The following EEFSEC variants were observed in gnomAD, a reference collection of about 807,000 sequenced individuals.
EEFSEC encodes the protein eukaryotic elongation factor, selenocysteine-tRNA specific.
In EEFSEC, 43 loss-of-function variants were observed where a neutral mutation model predicts 42.1. That is an observed-to-expected ratio of 1.02 (90% CI 0.80 to 1.32). EEFSEC has a LOEUF of 1.32. EEFSEC is among the 40% of genes most tolerant of loss of function. The pLI, the probability that EEFSEC is intolerant of heterozygous loss-of-function variation, is 0.00. For synonymous variants in EEFSEC, 354 were observed against 339.1 expected (o/e 1.04, Z -0.48); for missense variants, 745 against 803.6 (o/e 0.93, Z 0.88).
intron 4 of EEFSEC, among the ~76,000 whole-genome samples, chr3:128,290,768 C>T (rs1008309243): frequency 2.4e-4 from 36 of 151,882 alleles, no homozygotes; most frequent in African/African-American, 6.0e-4. Context: ...TGTTTTTTGA[C>T]AGAGTTGCAC....
At chr3:128,220,355 T>C (rs539250433) in intron 1 of EEFSEC, among the ~76,000 whole-genome samples, 2 of 152,312 alleles carry the variant, frequency 1.3e-5, no homozygotes, top group South Asian at 4.1e-4. Flanking sequence ...TCATGGTGTT[T>C]ATGTGGCTGT....
intron 4 of EEFSEC, among the ~76,000 whole-genome samples, chr3:128,285,995 C>T (rs1216067769): frequency 6.6e-6 from 1 of 152,222 alleles, no homozygotes; most frequent in Non-Finnish European, 1.5e-5. Flanking sequence ...AGTACATCTC[C>T]CACATGGGTT....
At chr3:128,309,921 C>A (rs561721087) in intron 4 of EEFSEC, among the ~76,000 whole-genome samples, 27 of 152,334 alleles carry the variant, frequency 1.8e-4, no homozygotes, top group African/African-American at 6.0e-4. Flanking sequence ...TGATCTTATT[C>A]AAATGTCAGC....
intron 1 of EEFSEC, among the ~76,000 whole-genome samples, chr3:128,190,147 G>A (rs1230494709): frequency 6.6e-6 from 1 of 152,094 alleles, no homozygotes; most frequent in Non-Finnish European, 1.5e-5. Context: ...ACAGGCATGA[G>A]CCACCATGCC....
intron 4 of EEFSEC, among the ~76,000 whole-genome samples, chr3:128,293,298 TAGAG>T (rs1486184201): frequency 6.6e-6 from 1 of 152,192 alleles, no homozygotes. Context: ...TGTGGATGCA[TAGAG>T]AATCAGTTCA....
chr3:128,348,781 C>T (rs924428275), intron 5 of EEFSEC, among the ~76,000 whole-genome samples: 1 of 152,184 alleles, frequency 6.6e-6, no homozygotes, highest in African/African-American at 2.4e-5. Flanking sequence ...GAGGCTGGAA[C>T]CACTGGGTCC....
chr3:128,238,851 C>A (rs1007767758), intron 1 of EEFSEC, among the ~76,000 whole-genome samples: 1 of 152,252 alleles, frequency 6.6e-6, no homozygotes, highest in Non-Finnish European at 1.5e-5. Flanking sequence ...TGGGTCAACT[C>A]TGTTCCCACT....
At position 128,371,678 on chromosome 3, in the gene EEFSEC, G is replaced by A. The variant is rs191509115; in HGVS notation, c.1600+13305G>A. On this transcript the variant is annotated intron_variant, in intron 6 of 6. Transcript: ENST00000254730. ...AGGGGCAGGATGCACCCCAGAACCT[G>A]TTGGGGTGCAGAATGAGGAGGGTGA... 2.7e-3 allele frequency among the ~76,000 whole-genome samples: 410 copies of A among 152,310 alleles called. 1 individual carries two copies. The South Asian group carries it at 0.031, about 12-fold the overall frequency.
intron 1 of EEFSEC, among the ~76,000 whole-genome samples, chr3:128,216,347 C>T (rs537154131): frequency 3.9e-5 from 6 of 152,322 alleles, no homozygotes; most frequent in Non-Finnish European, 8.8e-5. Flanking sequence ...AACCAGTCTG[C>T]AGATCTGGAG....
intron 2 of EEFSEC, among the ~76,000 whole-genome samples, chr3:128,251,497 TTTAGTAGAAATGGTAAC>T (rs1245362854): frequency 1.3e-5 from 2 of 152,200 alleles, no homozygotes; most frequent in Non-Finnish European, 2.9e-5. Context: ...AAAATAGTGT[TTTAGTAGAAATGGTAAC>T]TTAGTAGAAA....
At chr3:128,293,997 G>A (rs999745390) in intron 4 of EEFSEC, among the ~76,000 whole-genome samples, 2 of 152,244 alleles carry the variant, frequency 1.3e-5, no homozygotes, top group African/African-American at 2.4e-5. Context: ...CCTTTGGACG[G>A]TAGTCAGAGG....
At chr3:128,363,663 GC>G (rs2067555648) in intron 6 of EEFSEC, among the ~76,000 whole-genome samples, 1 of 152,246 alleles carries the variant, frequency 6.6e-6, no homozygotes. Context: ...CACCCCCAGG[GC>G]TGCAGGGGCT....
intron 6 of EEFSEC, among the ~76,000 whole-genome samples, chr3:128,370,109 T>C (rs1415325656): frequency 6.6e-6 from 1 of 152,222 alleles, no homozygotes; most frequent in Non-Finnish European, 1.5e-5. Flanking sequence ...ACTGATGTTT[T>C]TGAAGAGCCC....
chr3:128,296,283 A>G (rs1335977137), intron 4 of EEFSEC, among the ~76,000 whole-genome samples: 3 of 152,152 alleles, frequency 2.0e-5, no homozygotes, highest in Non-Finnish European at 4.4e-5. Flanking sequence ...TGTCCCTGGT[A>G]TGCAGAAAGG....
At position 128,300,712 on chromosome 3, in the gene EEFSEC, T is replaced by C. The variant is rs904363772; in HGVS notation, c.786+35931T>C. On this transcript the variant is annotated intron_variant, in intron 4 of 6. Coordinates refer to ENST00000254730, the MANE Select transcript of EEFSEC (RefSeq NM_021937.5). ...AGTAGCTTAAAACAACACATACATA[T>C]GTATAGACTATGTGCATTGAAGAAA... Among the ~76,000 whole-genome samples the C allele has an allele frequency of 5.3e-5, 8 of 152,220 alleles. No homozygotes were observed. The East Asian group carries it at 7.7e-4, about 15-fold the overall frequency.
chr3:128,266,514 T>G (rs2066355358), intron 4 of EEFSEC, among the ~76,000 whole-genome samples: 1 of 151,960 alleles, frequency 6.6e-6, no homozygotes, highest in Admixed American at 6.5e-5. Flanking sequence ...TATTACTTCC[T>G]TCTGCAGGGG....
At chr3:128,299,494 A>T (rs1450185241) in intron 4 of EEFSEC, among the ~76,000 whole-genome samples, 2 of 152,208 alleles carry the variant, frequency 1.3e-5, no homozygotes, top group African/African-American at 4.8e-5. Flanking sequence ...ATCCCTTGTC[A>T]GATGGATAGC....
Position 128,358,388 on chromosome 3 carries a change from T to C in EEFSEC, c.1600+15T>C, listed in dbSNP as rs1461439601. 1 of 1,613,774 alleles carries C rather than the reference T, an allele frequency of 6.2e-7. No homozygotes were observed. The highest frequency in any genetic ancestry group is 1.3e-5 in the African/African-American group (1 of 75,068). ...CCACATCCCAGGTAAGTGCAGCCAC[T>C]TCCTCCCGGTTTAGGGACACCGTGC... On this transcript the variant is annotated intron_variant, in intron 6 of 6. Transcript: ENST00000254730.
At chr3:128,343,022 G>A (rs1217851637) in intron 5 of EEFSEC, among the ~76,000 whole-genome samples, 1 of 152,224 alleles carries the variant, frequency 6.6e-6, no homozygotes, top group Non-Finnish European at 1.5e-5. Flanking sequence ...GGCTTAAAGA[G>A]CACGGAGTGC....
Sources: gnomAD v4.1 joint callset for allele counts (sites outside exome capture counted in the v4.1 genomes callset) on GRCh38, gnomAD v4.1.1 for gene constraint, MANE v1.5 for transcripts, NCBI Gene and HGNC (gene_info 2026-07-23, HGNC 2026-07-21) for gene names.